Variants in RARB observed in about 807,000 individuals in gnomAD.
The protein encoded by RARB is retinoic acid receptor beta, also known as HBV-activated protein.
RARB carries 17 observed loss-of-function variants against 51.9 expected under a neutral mutation model. That is an observed-to-expected ratio of 0.33 (90% confidence interval 0.22 to 0.49). RARB has a LOEUF of 0.49. RARB is among the 20% of genes least tolerant of loss of function. The probability of loss-of-function intolerance (pLI) is 0.99; values close to 1 mark genes in which losing one functional copy is unlikely to be tolerated. For missense variants in RARB, 369 were observed against 550.8 expected, an observed-to-expected ratio of 0.67 and a Z score of 3.30; for synonymous variants, 215 against 195.4, an observed-to-expected ratio of 1.10 and a Z score of -0.84.
At chr3:25,094,303 C>T (rs1057143760) in intron 3 of RARB, among the ~76,000 whole-genome samples, 2 of 152,162 alleles carry the variant, frequency 1.3e-5, no homozygotes, top group African/African-American at 2.4e-5. Context: ...GCATATGTAG[C>T]TATACCCCTA....
At chr3:24,980,990 C>A (rs940351324) in intron 2 of RARB, among the ~76,000 whole-genome samples, 1 of 151,204 alleles carries the variant, frequency 6.6e-6, no homozygotes, top group Non-Finnish European at 1.5e-5. Context: ...CTATTCCTTT[C>A]GTTTTGTTAG....
intron 5 of RARB, among the ~76,000 whole-genome samples, chr3:25,343,312 C>T (rs993250685): frequency 1.3e-5 from 2 of 152,014 alleles, no homozygotes; most frequent in Non-Finnish European, 2.9e-5. Context: ...GAGTGCCATG[C>T]CTATAGCATA....
At position 24,921,757 on chromosome 3, in the gene RARB, T is replaced by G. The variant is rs553508133; in HGVS notation, c.-380+63005T>G. On this transcript the variant is annotated intron_variant, in intron 2 of 11. Transcript: ENST00000383772. ...AGACTAAATTTGTCTGGACCTAGAC[T>G]AAAATGTCAAATAGGAAAAATACAA... 3.9e-5 allele frequency among the ~76,000 whole-genome samples: 6 copies of G among 152,302 alleles called. No homozygotes were observed. In the South Asian group the frequency reaches 1.0e-3, roughly 26 times the overall value.
chr3:24,987,951 A>G (rs1271174481), intron 2 of RARB, among the ~76,000 whole-genome samples: 2 of 113,546 alleles, frequency 1.8e-5, no homozygotes, highest in South Asian at 3.7e-4. Flanking sequence ...CATCAATTTT[A>G]AGACCTTTCA....
At chr3:25,253,821 C>A (rs73821767) in intron 5 of RARB, among the ~76,000 whole-genome samples, 115 of 152,204 alleles carry the variant, frequency 7.6e-4, no homozygotes, top group African/African-American at 2.6e-3. Context: ...CCATCGAGCC[C>A]TAGTGGTCCC....
chr3:25,488,663 T>C (rs927316595), intron 2 of RARB, among the ~76,000 whole-genome samples: 4 of 152,226 alleles, frequency 2.6e-5, no homozygotes, highest in Admixed American at 6.5e-5. Context: ...GTGGGCCAGA[T>C]GGGAAGTAGC....
At chr3:24,941,646 G>A (rs868350430) in intron 2 of RARB, among the ~76,000 whole-genome samples, 1 of 152,096 alleles carries the variant, frequency 6.6e-6, no homozygotes. Context: ...TGGGATTACA[G>A]GCATGAGCCA....
intron 2 of RARB, among the ~76,000 whole-genome samples, chr3:25,480,356 G>A (rs1696165283): frequency 6.6e-6 from 1 of 152,186 alleles, no homozygotes. Flanking sequence ...CTATAAAGTA[G>A]TTGCTGTTGC....
intron 2 of RARB, among the ~76,000 whole-genome samples, chr3:24,889,045 A>G (rs949624784): frequency 2.6e-5 from 4 of 152,154 alleles, no homozygotes; most frequent in African/African-American, 9.7e-5. Flanking sequence ...CAAATAGAAG[A>G]TGGGACGTTC....
chr3:25,273,507 G>A (rs1308952166), intron 5 of RARB, among the ~76,000 whole-genome samples: 2 of 152,024 alleles, frequency 1.3e-5, no homozygotes, highest in Non-Finnish European at 2.9e-5. Context: ...TCTCCAAATG[G>A]GCCCATACTT....
intron 2 of RARB, among the ~76,000 whole-genome samples, chr3:25,041,435 T>C (rs1045444786): frequency 1.3e-5 from 2 of 152,104 alleles, no homozygotes; most frequent in African/African-American, 2.4e-5. Context: ...TTCAAATAAA[T>C]ATTCTGTCTT....
chr3:24,961,759 G>A (rs1696144006), intron 2 of RARB, among the ~76,000 whole-genome samples: 1 of 152,130 alleles, frequency 6.6e-6, no homozygotes, highest in Non-Finnish European at 1.5e-5. Flanking sequence ...CAAAGCCGAT[G>A]ACTAAAATGG....
chr3:25,251,681 A>G (rs1310020239), intron 5 of RARB, among the ~76,000 whole-genome samples: 1 of 152,124 alleles, frequency 6.6e-6, no homozygotes, highest in Non-Finnish European at 1.5e-5. Flanking sequence ...GTCTATTCAA[A>G]TACTTAGCCC....
At chr3:25,474,446 C>T (rs1221166595) in intron 2 of RARB, among the ~76,000 whole-genome samples, 1 of 152,112 alleles carries the variant, frequency 6.6e-6, no homozygotes, top group African/African-American at 2.4e-5. Context: ...AGAATAATAG[C>T]ATGAGGTGGT....
intron 2 of RARB, among the ~76,000 whole-genome samples, chr3:25,470,617 A>G (rs1039545390): frequency 7.2e-5 from 11 of 152,240 alleles, no homozygotes; most frequent in Admixed American, 5.9e-4. Flanking sequence ...ATGGAAATCT[A>G]TCCATTCTGT....
chr3:24,871,801 C>T lies in RARB; in HGVS notation c.-380+13049C>T, dbSNP rs1575046091. 3.3e-5 allele frequency among the ~76,000 whole-genome samples: 5 copies of T among 152,146 alleles called. No homozygotes were observed. In the South Asian group the frequency reaches 1.0e-3, roughly 32 times the overall value. On this transcript the variant is annotated intron_variant, in intron 2 of 11. Transcript: ENST00000383772. The stretch of plus-strand genomic sequence containing the variant: ...GTTTCTGTTATTGGTGACTTTATTC[C>T]TTAAACTAATCAGAACAAAACCTTG...
intron 5 of RARB, among the ~76,000 whole-genome samples, chr3:25,215,560 A>G (rs1263745883): frequency 6.6e-6 from 1 of 152,186 alleles, no homozygotes; most frequent in Non-Finnish European, 1.5e-5. Context: ...GTTGAAGTGC[A>G]GCAGGAGGAA....
intron 5 of RARB, among the ~76,000 whole-genome samples, chr3:25,382,412 T>C (rs11442172): frequency 2.5e-4 from 2 of 7,890 alleles, no homozygotes; most frequent in South Asian, 0.014. Context: ...GGTGGGAGAA[T>C]TTCCCCTGCA....
intron 2 of RARB, among the ~76,000 whole-genome samples, chr3:24,868,005 C>T (rs915104912): frequency 3.3e-5 from 5 of 152,124 alleles, no homozygotes; most frequent in Non-Finnish European, 7.4e-5. Context: ...ATGATTCATC[C>T]TTACTAAGGA....
Sources: gnomAD v4.1 joint callset for allele counts (sites outside exome capture counted in the v4.1 genomes callset) on GRCh38, gnomAD v4.1.1 for gene constraint, MANE v1.5 for transcripts, NCBI Gene and HGNC (gene_info 2026-07-23, HGNC 2026-07-21) for gene names.